Variants in NBPF26 observed in about 807,000 individuals in gnomAD.
NBPF26 encodes NBPF member 26.
A neutral mutation model predicts 119.6 loss-of-function variants in NBPF26; 79 were observed. That is an observed-to-expected ratio of 0.66 (90% CI 0.55 to 0.80). The LOEUF is 0.80. NBPF26 is among the 30% of genes least tolerant of loss of function. The pLI is 0.00. For missense variants in NBPF26, 800 were observed against 1,198.2 expected, an observed-to-expected ratio of 0.67 and a Z score of 4.91; for synonymous variants, 299 against 457.7, an observed-to-expected ratio of 0.65 and a Z score of 4.43.
In NBPF26 at chr1:120,793,842, G is replaced by T. The variant is rs1651524276; in HGVS notation, c.751+346G>T. On this transcript the variant is annotated intron_variant, in intron 4 of 29. Coordinates refer to ENST00000620612, the Ensembl canonical transcript of NBPF26. ...ATGAGAATTAGACACTGGAAAATAT[G>T]TATGTGTGGTTAATAAAGTGCTTTA... The T allele has an allele frequency of 5.5e-5, 36 of 656,184 alleles. 9 individuals carry two copies. The highest frequency in any genetic ancestry group is 6.6e-5 in the Non-Finnish European group (26 of 392,986). The allele number at this position is 656,184 out of a possible 1,614,324, so 40.6% of individuals were successfully genotyped here. A position where few individuals can be genotyped will look rare whatever the true frequency, so the allele number is the denominator to read the frequency against.
chr1:120,832,688 G>A (rs1288719332), intron 22 of NBPF26, among the ~76,000 whole-genome samples, 187 bp from the exon 27 acceptor site: 1 of 120,882 alleles, frequency 8.3e-6, no homozygotes, highest in Non-Finnish European at 1.6e-5. Context: ...TTTACCCACA[G>A]TTTCTGGGAG....
At chr1:120,804,761 A>T (rs1651638566) in intron 4 of NBPF26, among the ~76,000 whole-genome samples, 1 of 117,164 alleles carries the variant, frequency 8.5e-6, no homozygotes, top group Non-Finnish European at 1.6e-5. Context: ...ATGAAAACCC[A>T]AGAAGGTGCC....
intron 1 of NBPF26, among the ~76,000 whole-genome samples, chr1:120,745,162 G>A (rs1650967253): frequency 9.5e-6 from 1 of 105,286 alleles, no homozygotes; most frequent in Admixed American, 9.2e-5. Flanking sequence ...AAGTGGTATT[G>A]GGCCTGTCTA....
chr1:120,802,397 G>T (rs1651592865), intron 4 of NBPF26, among the ~76,000 whole-genome samples: 1 of 126,166 alleles, frequency 7.9e-6, no homozygotes, highest in Non-Finnish European at 1.6e-5. Flanking sequence ...GATTTTCAAG[G>T]CAGTCTCTAA....
At chr1:120,832,696 G>T (rs1353169761) in intron 22 of NBPF26, among the ~76,000 whole-genome samples, 179 bp from the exon 27 acceptor site, 1 of 120,478 alleles carries the variant, frequency 8.3e-6, no homozygotes, top group Non-Finnish European at 1.6e-5. Flanking sequence ...CAGTTTCTGG[G>T]AGAAAAACCG....
chr1:120,808,379 A>G (rs1249236447), intron 6 of NBPF26, among the ~76,000 whole-genome samples, 166 bp from the exon 7 acceptor site: 40 of 119,036 alleles, frequency 3.4e-4, no homozygotes, highest in African/African-American at 1.5e-3. Context: ...AAGCCTGTAA[A>G]CCATTTTCTA....
In NBPF26 at chr1:120,812,921, A is replaced by AAATAATAATAATAAT. The variant is rs1209954653; in HGVS notation, c.1774+850_1774+864dup. Among the ~76,000 whole-genome samples the AAATAATAATAATAAT allele has an allele frequency of 2.3e-4, 26 of 111,328 alleles. 1 individual carries two copies. Among genetic ancestry groups the AAATAATAATAATAAT allele is most frequent in the African/African-American group, 1.3e-3 (25 of 19,730 alleles). 73.0% of individuals were successfully genotyped at this position (111,328 alleles called of 152,430 possible). Reference sequence around the variant, plus strand: ...CTGGGCGACAGGGCAAGACTGCTAAAAATAATAATAATAATAATAATAATA... The same window carrying AAATAATAATAATAAT: ...CTGGGCGACAGGGCAAGACTGCTAAAAATAATAATAATAATAATAATAATAATAATAATAATAATA... On this transcript the variant is annotated intron_variant, in intron 10 of 29. Coordinates refer to ENST00000620612, the Ensembl canonical transcript of NBPF26.
chr1:120,783,798 T>C (rs1651392628), intron 2 of NBPF26, among the ~76,000 whole-genome samples: 1 of 113,848 alleles, frequency 8.8e-6, no homozygotes, highest in Non-Finnish European at 1.7e-5. Flanking sequence ...GACTAAGACT[T>C]CACTGGGTTT....
chr1:120,732,941 AT>A (rs1297450494), intron 1 of NBPF26, among the ~76,000 whole-genome samples: 1 of 90,736 alleles, frequency 1.1e-5, no homozygotes, highest in East Asian at 2.3e-4. Flanking sequence ...CCTTTACAAG[AT>A]TTTTTTATTT....
rs1395340701 is a variant in NBPF26, at chr1:120,790,602, CTCTT to C, written c.416-2556_416-2553del. 3.1e-5 allele frequency among the ~76,000 whole-genome samples: 3 copies of C among 97,758 alleles called. 1 individual carries two copies. The highest frequency in any genetic ancestry group is 1.3e-4 in the African/African-American group (2 of 14,842). The allele number at this position is 97,758 out of a possible 152,430, so 64.1% of individuals were successfully genotyped here. A position where few individuals can be genotyped will look rare whatever the true frequency, so the allele number is the denominator to read the frequency against. ...TTTCTTTCTTTCTTTCTCTTTCTCT[CTCTT>C]TCCCTCTCTCTTTCTGTCTTTCTTT... On this transcript the variant is annotated intron_variant, in intron 3 of 29. Transcript: ENST00000620612.
At position 120,768,489 on chromosome 1, in the gene NBPF26, A is replaced by G. The variant is rs1205950060; in HGVS notation, c.155+4780A>G. 2.7e-3 allele frequency among the ~76,000 whole-genome samples: 284 copies of G among 105,418 alleles called. 41 individuals are homozygous for G. Among genetic ancestry groups the G allele is most frequent in the South Asian group, 0.022 (76 of 3,482 alleles). The allele number at this position is 105,418 out of a possible 152,430, so 69.2% of individuals were successfully genotyped here. Reference sequence around the variant, plus strand: ...GTCTTTTCCAGGAATTTTTCTCCTCATATTCTAGCTGCTGTGACAGCTCCA... The same window carrying G: ...GTCTTTTCCAGGAATTTTTCTCCTCGTATTCTAGCTGCTGTGACAGCTCCA... On this transcript the variant is annotated intron_variant, in intron 2 of 29. Transcript: ENST00000620612.
chr1:120,785,076 G>A, exon 3 of NBPF26: 1 of 1,446,186 alleles, frequency 6.9e-7, no homozygotes, highest in South Asian at 1.2e-5. Flanking sequence ...CCATGCTGGG[G>A]AAAGCCACGT....
In NBPF26 at chr1:120,781,502, G is replaced by A. The variant is rs1332297920; in HGVS notation, c.156-3472G>A. Among the ~76,000 whole-genome samples, 27 of 42,476 alleles carry A rather than the reference G, an allele frequency of 6.4e-4. 1 individual carries two copies. In the South Asian group the frequency reaches 8.8e-3, roughly 14 times the overall value. The allele number at this position is 42,476 out of a possible 152,430, so 27.9% of individuals were successfully genotyped here. On this transcript the variant is annotated intron_variant, in intron 2 of 29. Transcript: ENST00000620612. ...GGAGGCAGGATAGCCTAGTGTTGAA[G>A]CACACGCACTCTAGAGTCTACTTGG... is the stretch of plus-strand genomic sequence containing the variant.
At chr1:120,825,208 G>C (rs1427501621) in intron 18 of NBPF26, among the ~76,000 whole-genome samples, 2 of 122,584 alleles carry the variant, frequency 1.6e-5, no homozygotes, top group African/African-American at 4.5e-5. Context: ...CATGATCACT[G>C]TTCGCTGTGT....
At chr1:120,806,743 G>A (rs1434400928) in intron 5 of NBPF26, among the ~76,000 whole-genome samples, 1 of 120,554 alleles carries the variant, frequency 8.3e-6, no homozygotes, top group Non-Finnish European at 1.7e-5. Context: ...AAGCAGCAGT[G>A]CAGTGTGCAA....
chr1:120,790,153 C>G (rs1651468218), intron 3 of NBPF26, among the ~76,000 whole-genome samples: 1 of 99,038 alleles, frequency 1.0e-5, no homozygotes, highest in East Asian at 2.4e-4. Flanking sequence ...GTAGCTGGGA[C>G]TACAGGCACC....
intron 2 of NBPF26, among the ~76,000 whole-genome samples, chr1:120,780,187 TC>T (rs1651348023): frequency 9.4e-6 from 1 of 106,206 alleles, no homozygotes; most frequent in Non-Finnish European, 1.8e-5. Context: ...CAAGACAGGC[TC>T]TTCCCCACAA....
At chr1:120,823,542 C>T (rs1379792805) in intron 17 of NBPF26, among the ~76,000 whole-genome samples, 182 bp downstream of exon 17, 1 of 116,168 alleles carries the variant, frequency 8.6e-6, no homozygotes, top group Non-Finnish European at 1.7e-5. Context: ...TCTTCCTACC[C>T]TTATCATTTA....
intron 1 of NBPF26, among the ~76,000 whole-genome samples, chr1:120,730,777 C>G (rs1489844031): frequency 2.4e-5 from 1 of 40,884 alleles, no homozygotes; most frequent in Non-Finnish European, 4.0e-5. Context: ...GGTAGGATCA[C>G]TAGCCCTTGG....
Sources: allele counts gnomAD v4.1 joint callset (sites outside exome capture counted in the v4.1 genomes callset), GRCh38; gene constraint gnomAD v4.1.1; transcripts MANE v1.5; gene names NCBI Gene and HGNC (gene_info 2026-07-23, HGNC 2026-07-21).